CERS6: variants seen among roughly 807,000 people sequenced by gnomAD.
CERS6 encodes the protein LAG1 homolog, ceramide synthase 6.
In CERS6, 26 loss-of-function variants were observed where a neutral mutation model predicts 56.8. That is an observed-to-expected ratio of 0.46 (90% CI 0.34 to 0.63). The LOEUF is 0.63. CERS6 is among the 30% of genes least tolerant of loss of function. The pLI is 0.01. For synonymous variants in CERS6, 164 were observed against 173.3 expected, an observed-to-expected ratio of 0.95 and a Z score of 0.42; for missense variants, 415 against 467.5, an observed-to-expected ratio of 0.89 and a Z score of 1.04.
At chr2:168,485,065 A>G (rs1033868163) in intron 1 of CERS6, among the ~76,000 whole-genome samples, 1 of 152,172 alleles carries the variant, frequency 6.6e-6, no homozygotes, top group Non-Finnish European at 1.5e-5. Flanking sequence ...AATACAGTTC[A>G]GGCTTATGAA....
rs1259462972 is a variant in CERS6 at position 168,772,508 on chromosome 2, A to G, written c.*2846A>G. ...ATTCTTTTCATAAAACCCACTCACCAGGTACAATAGAAACTTCCCTCCTTG... is the reference window on the plus strand; with the variant it reads ...ATTCTTTTCATAAAACCCACTCACCGGGTACAATAGAAACTTCCCTCCTTG... On this transcript the variant is annotated 3_prime_UTR_variant, in exon 10 of 10. Transcript: ENST00000305747. 1 of 152,638 alleles carries G rather than the reference A, an allele frequency of 6.6e-6. No homozygotes were observed. The highest frequency in any genetic ancestry group is 1.5e-5 in the Non-Finnish European group (1 of 68,040). The allele number at this position is 152,638 out of a possible 1,614,324, so 9.5% of individuals were successfully genotyped here.
chr2:168,588,849 C>T (rs2105401579), intron 3 of CERS6, among the ~76,000 whole-genome samples: 1 of 152,348 alleles, frequency 6.6e-6, no homozygotes, highest in South Asian at 2.1e-4. Flanking sequence ...AGCAATTCTT[C>T]TGCCTCAGCC....
chr2:168,502,540 T>C (rs192136878), intron 1 of CERS6, among the ~76,000 whole-genome samples: 2 of 152,304 alleles, frequency 1.3e-5, no homozygotes, highest in East Asian at 3.9e-4. Flanking sequence ...GTCCCTAGAC[T>C]TTGATATTGG....
chr2:168,615,797 G>A (rs974626909), intron 3 of CERS6, among the ~76,000 whole-genome samples: 19 of 152,228 alleles, frequency 1.2e-4, no homozygotes, highest in Non-Finnish European at 1.5e-5. Context: ...AAACATATTG[G>A]GGAGAATAAT....
intron 4 of CERS6, among the ~76,000 whole-genome samples, chr2:168,651,032 GAA>G (rs1685329300): frequency 1.3e-5 from 2 of 152,134 alleles, no homozygotes; most frequent in South Asian, 2.1e-4. Context: ...AGTCAGGAGA[GAA>G]AGTTTCTAGT....
rs1454726019 is a variant in CERS6 at position 168,456,724 on chromosome 2, C to G, written c.170+106C>G. 6 of 1,086,978 alleles carry G rather than the reference C, an allele frequency of 5.5e-6. No homozygotes were observed. The highest frequency in any genetic ancestry group is 6.7e-6 in the Non-Finnish European group (5 of 748,988). The allele number at this position is 1,086,978 out of a possible 1,614,324, so 67.3% of individuals were successfully genotyped here. A position where few individuals can be genotyped will look rare whatever the true frequency, so the allele number is the denominator to read the frequency against. On this transcript the variant is annotated intron_variant, in intron 1 of 9. Coordinates refer to ENST00000305747, the MANE Select transcript of CERS6 (RefSeq NM_203463.3). The surrounding 1 kb of genome is among the most constrained non-coding windows in gnomAD (Gnocchi z 4.1). The stretch of plus-strand genomic sequence containing the variant: ...CCCCCGCGCCCCCAACGCTCGCGTT[C>G]ACGCCTCCCAACCTTTGTGTTCGGG...
intron 8 of CERS6, among the ~76,000 whole-genome samples, chr2:168,741,590 C>T (rs995822042): frequency 1.3e-5 from 2 of 152,094 alleles, no homozygotes; most frequent in Non-Finnish European, 2.9e-5. Context: ...TTCAAAGCAG[C>T]CCGTGGGCCA....
At chr2:168,765,852 A>AT in intron 9 of CERS6, 104 bp downstream of exon 9, 1 of 1,082,296 alleles carries the variant, frequency 9.2e-7, no homozygotes, top group East Asian at 2.6e-5. Context: ...AATTGGTAGT[A>AT]TTTCTTCAGA....
chr2:168,710,978 G>A (rs1280271011), intron 6 of CERS6, among the ~76,000 whole-genome samples: 2 of 152,200 alleles, frequency 1.3e-5, no homozygotes, highest in Admixed American at 1.3e-4. Flanking sequence ...TGTTTCCCCT[G>A]ACAGTGGAAT....
At chr2:168,730,738 C>T (rs1338054286) in intron 8 of CERS6, among the ~76,000 whole-genome samples, 1 of 152,100 alleles carries the variant, frequency 6.6e-6, no homozygotes, top group Non-Finnish European at 1.5e-5. Context: ...GGCATATAAA[C>T]CCACTTATAA....
rs182976138 is a variant in CERS6, at chr2:168,501,562, A to G, written c.170+44944A>G. On this transcript the variant is annotated intron_variant, in intron 1 of 9. Coordinates refer to ENST00000305747, the MANE Select transcript of CERS6 (RefSeq NM_203463.3). ...CTTGGTCTGAGGGAATGGACCAACC[A>G]GTAACAATTTCAAAAGGAGAGAGTC... 5.3e-5 allele frequency among the ~76,000 whole-genome samples: 8 copies of G among 152,336 alleles called. No individual in the cohort carries two copies. The East Asian group carries it at 1.3e-3, about 26-fold the overall frequency.
chr2:168,580,394 A>G (rs1158241881), intron 3 of CERS6, among the ~76,000 whole-genome samples: 1 of 152,164 alleles, frequency 6.6e-6, no homozygotes, highest in Non-Finnish European at 1.5e-5. Flanking sequence ...AGAAATTACA[A>G]CGGGTATACC....
chr2:168,769,142 G>C (rs1000262903), intron 9 of CERS6, among the ~76,000 whole-genome samples: 3 of 152,028 alleles, frequency 2.0e-5, no homozygotes, highest in African/African-American at 7.3e-5. Context: ...AGGAGAATGT[G>C]ATCATCAATG....
intron 3 of CERS6, among the ~76,000 whole-genome samples, chr2:168,627,625 A>G (rs565068270): frequency 1.1e-3 from 58 of 50,828 alleles, no homozygotes; most frequent in African/African-American, 4.1e-3. Flanking sequence ...ATGCTTGAAC[A>G]CTGAAGTTTT....
At chr2:168,486,518 G>GTTTTTT (rs1491580943) in intron 1 of CERS6, among the ~76,000 whole-genome samples, 45 of 136,262 alleles carry the variant, frequency 3.3e-4, no homozygotes, top group East Asian at 2.2e-3. Context: ...GTCTAGATTT[G>GTTTTTT]GTTTTGTTTT....
At chr2:168,509,262 T>C (rs899049207) in intron 1 of CERS6, among the ~76,000 whole-genome samples, 2 of 152,212 alleles carry the variant, frequency 1.3e-5, no homozygotes, top group African/African-American at 4.8e-5. Flanking sequence ...TTTCATAACA[T>C]GACAACAGCA....
intron 8 of CERS6, among the ~76,000 whole-genome samples, chr2:168,745,493 G>T (rs964207916): frequency 6.6e-6 from 1 of 152,026 alleles, no homozygotes; most frequent in Non-Finnish European, 1.5e-5. Context: ...CGCCCATCTC[G>T]GCCTCCCTAA....
chr2:168,701,794 C>T (rs1251957893), intron 6 of CERS6, among the ~76,000 whole-genome samples: 1 of 151,724 alleles, frequency 6.6e-6, no homozygotes, highest in Non-Finnish European at 1.5e-5. Flanking sequence ...TTGCTTAAGC[C>T]CAGGAGTTTA....
chr2:168,552,218 A>G (rs1695585436), intron 2 of CERS6, among the ~76,000 whole-genome samples: 1 of 151,976 alleles, frequency 6.6e-6, no homozygotes, highest in Non-Finnish European at 1.5e-5. Context: ...ATATTAACCT[A>G]GGTGTTTGTA....
Sources: allele counts gnomAD v4.1 joint callset (sites outside exome capture counted in the v4.1 genomes callset), GRCh38; gene constraint gnomAD v4.1.1; non-coding constraint Gnocchi (gnomAD v3.1); transcripts MANE v1.5; gene names NCBI Gene and HGNC (gene_info 2026-07-23, HGNC 2026-07-21).